KCNAB1: variants seen among roughly 807,000 people sequenced by gnomAD.
KCNAB1 encodes voltage-gated potassium channel subunit beta-1.
A neutral mutation model predicts 64.6 loss-of-function variants in KCNAB1; 35 were observed. The ratio of observed to expected loss-of-function variants is 0.54; its 90% CI spans 0.41 to 0.72. KCNAB1 has a LOEUF of 0.72. Ranked by LOEUF, KCNAB1 falls within the 30% of genes least tolerant of loss-of-function variation. KCNAB1 has a pLI of 0.00. For missense variants in KCNAB1, 401 were observed against 512.9 expected, an observed-to-expected ratio of 0.78 and a Z score of 2.11; for synonymous variants, 177 against 183.8, an observed-to-expected ratio of 0.96 and a Z score of 0.30.
chr3:156,187,096 C>T (rs1713251719), intron 1 of KCNAB1, among the ~76,000 whole-genome samples: 1 of 152,194 alleles, frequency 6.6e-6, no homozygotes, highest in Non-Finnish European at 1.5e-5. Context: ...TCAAGCCATC[C>T]TCCTGCCTTG....
intron 1 of KCNAB1, among the ~76,000 whole-genome samples, chr3:156,369,546 T>A (rs1378449011): frequency 6.6e-6 from 1 of 152,182 alleles, no homozygotes; most frequent in Non-Finnish European, 1.5e-5. Context: ...TGCAAATATG[T>A]TTTTTAAAGG....
intron 1 of KCNAB1, among the ~76,000 whole-genome samples, chr3:156,409,817 A>G (rs1369360102): frequency 6.6e-6 from 1 of 152,218 alleles, no homozygotes; most frequent in Non-Finnish European, 1.5e-5. Flanking sequence ...GAATAATAAA[A>G]AGATCAAAGT....
intron 1 of KCNAB1, chr3:156,175,807 C>G (rs1007704995): frequency 3.3e-6 from 2 of 606,710 alleles, no homozygotes; most frequent in African/African-American, 3.7e-5. Flanking sequence ...TATTTGACGT[C>G]ACTTATGCAG....
At chr3:156,419,338 A>G (rs1467319007) in intron 1 of KCNAB1, among the ~76,000 whole-genome samples, 1 of 151,930 alleles carries the variant, frequency 6.6e-6, no homozygotes, top group African/African-American at 2.4e-5. Context: ...CATCTCTACT[A>G]AAAATAAAAA....
rs112850288 is a variant in KCNAB1 at position 156,258,050 on chromosome 3, C to T, written c.275+137164C>T. Among the ~76,000 whole-genome samples, 45 of 152,296 alleles carry T rather than the reference C, an allele frequency of 3.0e-4. 1 individual carries two copies. The highest frequency in any genetic ancestry group is 1.0e-3 in the African/African-American group (42 of 41,566). ...TGCAATAACCCTAGGCAGCATTAGG[C>T]TTAACTAACTTCAAGTACAGAAGAA... On this transcript the variant is annotated intron_variant, in intron 1 of 13. Coordinates refer to ENST00000490337, the MANE Select transcript of KCNAB1 (RefSeq NM_172160.3).
chr3:156,175,711 A>G (rs1402443854), intron 1 of KCNAB1: 3 of 528,498 alleles, frequency 5.7e-6, no homozygotes, highest in Non-Finnish European at 1.1e-5. Context: ...ATGGGATAGC[A>G]GTGGTTTTTG....
chr3:156,137,098 G>A (rs1268243133), intron 1 of KCNAB1, among the ~76,000 whole-genome samples: 1 of 151,746 alleles, frequency 6.6e-6, no homozygotes, highest in Admixed American at 6.6e-5. Context: ...GTGTCACAGG[G>A]GTTTGTTGTA....
Position 156,139,840 on chromosome 3 carries a change from T to A in KCNAB1, c.275+18954T>A, listed in dbSNP as rs115566169. Among the ~76,000 whole-genome samples the A allele has an allele frequency of 5.7e-3, 865 of 152,164 alleles. 6 individuals carry two copies. The highest frequency in any genetic ancestry group is 0.02 in the African/African-American group (823 of 41,526). On this transcript the variant is annotated intron_variant, in intron 1 of 13. Transcript: ENST00000490337. ...GTTTACAAGCTTGTGTCAGATACAG[T>A]CCCTTCCCTAAAAGAGCTTATAATC...
At chr3:156,173,926 CAATT>C (rs1324602449) in intron 1 of KCNAB1, among the ~76,000 whole-genome samples, 1 of 152,164 alleles carries the variant, frequency 6.6e-6, no homozygotes, top group Non-Finnish European at 1.5e-5. Flanking sequence ...CCAATTGATT[CAATT>C]GATTGAGCTG....
intron 1 of KCNAB1, among the ~76,000 whole-genome samples, chr3:156,400,168 G>T (rs558685054): frequency 3.9e-5 from 6 of 152,320 alleles, no homozygotes; most frequent in African/African-American, 1.2e-4. Flanking sequence ...CAGAAGAAAA[G>T]ATTACAAAAG....
chr3:156,472,362 G>T (rs944301609), intron 7 of KCNAB1, among the ~76,000 whole-genome samples: 3 of 152,142 alleles, frequency 2.0e-5, no homozygotes, highest in Admixed American at 6.5e-5. Context: ...TCAGCAGGTG[G>T]AGCCATCAGT....
intron 1 of KCNAB1, among the ~76,000 whole-genome samples, chr3:156,202,847 T>G (rs1177622898): frequency 1.3e-5 from 2 of 152,326 alleles, no homozygotes; most frequent in Admixed American, 6.5e-5. Context: ...AATAACAGAT[T>G]TTTTAAAGTT....
At chr3:156,472,127 CT>C (rs146887685) in intron 7 of KCNAB1, among the ~76,000 whole-genome samples, 1,885 of 152,320 alleles carry the variant, frequency 0.012, 40 homozygotes, top group African/African-American at 0.043. Context: ...GGCTTTCCCC[CT>C]GACTGCCCCA....
upstream of KCNAB1, among the ~76,000 whole-genome samples, chr3:156,119,788 G>GGCTT (rs1158137097): frequency 6.6e-5 from 10 of 152,166 alleles, no homozygotes; most frequent in African/African-American, 2.4e-4. Flanking sequence ...CCATCAGCTT[G>GGCTT]GCTTTCTTTG....
intron 1 of KCNAB1, among the ~76,000 whole-genome samples, chr3:156,406,656 GT>G (rs765304684): frequency 2.6e-5 from 4 of 152,188 alleles, no homozygotes; most frequent in Non-Finnish European, 5.9e-5. Flanking sequence ...ACCTTGTCAT[GT>G]TGGTCACTTA....
Position 156,291,493 on chromosome 3 carries a change from G to T in KCNAB1, c.276-130123G>T, listed in dbSNP as rs1720416320. On this transcript the variant is annotated intron_variant, in intron 1 of 13. Transcript: ENST00000490337. ...TGAGCCATCGCCCAGAAGCGAGCCC[G>T]CATTCAGACACCGCGGACCGGCTCC... The T allele has an allele frequency of 4.7e-6, 5 of 1,057,336 alleles. No individual in the cohort carries two copies. The South Asian group carries it at 1.7e-4, about 36-fold the overall frequency. The allele number at this position is 1,057,336 out of a possible 1,614,324, so 65.5% of individuals were successfully genotyped here.
chr3:156,182,595 A>G (rs766929803), intron 1 of KCNAB1, among the ~76,000 whole-genome samples: 1 of 143,154 alleles, frequency 7.0e-6, no homozygotes, highest in Non-Finnish European at 1.5e-5. Context: ...CCTTCTTTAT[A>G]TTCTACTCCT....
chr3:156,342,823 C>G (rs973434655), intron 1 of KCNAB1, among the ~76,000 whole-genome samples: 7 of 151,848 alleles, frequency 4.6e-5, no homozygotes, highest in Non-Finnish European at 8.8e-5. Flanking sequence ...TGGGGATCTT[C>G]AAGAGGGAAG....
chr3:156,514,115 A>G lies in KCNAB1; in HGVS notation c.659-249A>G, dbSNP rs1195675094. Among the ~76,000 whole-genome samples, 8 of 152,216 alleles carry G rather than the reference A, an allele frequency of 5.3e-5. No homozygotes were observed. In the East Asian group the frequency reaches 1.5e-3, roughly 29 times the overall value. On this transcript the variant is annotated intron_variant, in intron 8 of 13. Coordinates refer to ENST00000490337, the MANE Select transcript of KCNAB1 (RefSeq NM_172160.3). ...AGGAAGAACTTAAAATGGTCATTAT[A>G]TTTTCAATATCATTTAGTGTTGTTG...
Sources: allele counts gnomAD v4.1 joint callset (sites outside exome capture counted in the v4.1 genomes callset), GRCh38; gene constraint gnomAD v4.1.1; transcripts MANE v1.5; gene names NCBI Gene and HGNC (gene_info 2026-07-23, HGNC 2026-07-21).